Variants in ZEB2 observed in about 807,000 individuals in gnomAD.
The protein encoded by ZEB2 is zinc finger E-box-binding homeobox 2.
ZEB2 carries 6 observed loss-of-function variants against 99.9 expected under a neutral mutation model. The observed-to-expected ratio is 0.06, with a 90% CI of 0.03 to 0.12. The LOEUF (loss-of-function observed/expected upper bound fraction) is 0.12, where lower values mean the gene tolerates loss of function less well. ZEB2 is among the 10% of genes least tolerant of loss of function. The probability of loss-of-function intolerance (pLI) is 1.00; values close to 1 mark genes in which losing one functional copy is unlikely to be tolerated. For synonymous variants in ZEB2, 517 were observed against 542.5 expected (o/e 0.95, Z 0.65); for missense variants, 969 against 1,502.8 (o/e 0.64, Z 5.87).
intron 2 of ZEB2, among the ~76,000 whole-genome samples, chr2:144,491,511 A>T (rs1704681796): frequency 6.6e-6 from 1 of 152,184 alleles, no homozygotes; most frequent in South Asian, 2.1e-4. Flanking sequence ...GGTGCCGGGC[A>T]GACTTTTTGT....
rs566787907 is a variant in ZEB2 at position 144,404,364 on chromosome 2, T to C, written c.593-234A>G. Among the ~76,000 whole-genome samples, 24 of 131,914 alleles carry C rather than the reference T, an allele frequency of 1.8e-4. No homozygotes were observed. The East Asian group carries it at 5.6e-3, about 31-fold the overall frequency. The allele number at this position is 131,914 out of a possible 152,430, so 86.5% of individuals were successfully genotyped here. A position where few individuals can be genotyped will look rare whatever the true frequency, so the allele number is the denominator to read the frequency against. ...ATTAATTAATTACTTCAGGTTTTTT[T>C]TTTTTGGGGGGGTGGGGGGGACTTA... On this transcript the variant is annotated intron_variant, in intron 5 of 9. Coordinates refer to ENST00000627532, the MANE Select transcript of ZEB2 (RefSeq NM_014795.4).
intron 2 of ZEB2, among the ~76,000 whole-genome samples, chr2:144,475,491 C>T (rs569076903): frequency 1.9e-4 from 29 of 152,048 alleles, no homozygotes; most frequent in African/African-American, 6.8e-4. Flanking sequence ...TACATATGTG[C>T]GTGTATATAT....
chr2:144,416,204 C>T (rs1429972552), intron 4 of ZEB2, among the ~76,000 whole-genome samples: 1 of 152,126 alleles, frequency 6.6e-6, no homozygotes, highest in Admixed American at 6.5e-5. Context: ...TTTCCTAGTC[C>T]CTTTTACCCA....
chr2:144,448,526 T>C (rs892866040), intron 2 of ZEB2, among the ~76,000 whole-genome samples: 2 of 152,228 alleles, frequency 1.3e-5, no homozygotes, highest in Admixed American at 1.3e-4. Context: ...AAACTGTGCA[T>C]GCAAGGTACA....
At chr2:144,411,152 T>C (rs1275792788) in intron 4 of ZEB2, among the ~76,000 whole-genome samples, 1 of 118,190 alleles carries the variant, frequency 8.5e-6, no homozygotes, top group East Asian at 2.4e-4. Flanking sequence ...ACACACACGC[T>C]TCCCCAGTGT....
chr2:144,504,537 G>C (rs1293516720), intron 2 of ZEB2: 2 of 151,922 alleles, frequency 1.3e-5, no homozygotes, highest in Non-Finnish European at 2.9e-5. Context: ...CTTGAAGCTT[G>C]ACTGGGCTGA....
In ZEB2 at chr2:144,404,950, C is replaced by G. The variant is rs1449478104; in HGVS notation, c.478G>C (p.Ala160Pro). The change falls in exon 5 of 10, where the codon GCA becomes CCA. Residue 160 changes from alanine to proline, a missense_variant. Physicochemically the swap from Ala to Pro is conservative, Grantham distance 27 (BLOSUM62 -1). This residue lies in a region of ZEB2 where 173 missense variants were observed against 217.7 expected (regional missense o/e 0.79). Transcript: ENST00000627532. ...TGAAGGTACTCCTCGATGCTGACTG[C>G]ATGACCATCGCGTTCCTCCAGTTTT... Reference protein sequence around the residue: ...KRKLEERDGHAVSIEEYLQRS... With the variant: ...KRKLEERDGHPVSIEEYLQRS... The G allele has an allele frequency of 6.2e-7, 1 of 1,614,152 alleles. No homozygotes were observed. The highest frequency in any genetic ancestry group is 2.2e-5 in the East Asian group (1 of 44,902).
intron 2 of ZEB2, among the ~76,000 whole-genome samples, chr2:144,501,940 A>C (rs772403816): frequency 6.6e-6 from 1 of 152,208 alleles, no homozygotes; most frequent in Non-Finnish European, 1.5e-5. Flanking sequence ...CTAGCAATAA[A>C]GGCTTATTCT....
chr2:144,444,553 A>C (rs1237928612), intron 2 of ZEB2, among the ~76,000 whole-genome samples: 1 of 152,246 alleles, frequency 6.6e-6, no homozygotes, highest in African/African-American at 2.4e-5. Context: ...AAAGATCAGA[A>C]GGAAAGCTGT....
chr2:144,399,360 C>T lies in ZEB2; in HGVS notation c.1827G>A (p.Glu609=). 2 of 1,614,148 alleles carry T rather than the reference C, an allele frequency of 1.2e-6. No individual in the cohort carries two copies. Among genetic ancestry groups the T allele is most frequent in the Non-Finnish European group, 1.7e-6 (2 of 1,180,018 alleles). Residue 609 remains glutamate, a synonymous_variant, in exon 8 of 10, where the codon GAG becomes GAA. Coordinates refer to ENST00000627532, the MANE Select transcript of ZEB2 (RefSeq NM_014795.4). The surrounding 1 kb of genome is among the most constrained non-coding windows in gnomAD (Gnocchi z 5.6). Reference sequence around the variant, plus strand: ...CATGAGGCTGCAGGACCGCCTTGATCTCTTCATTCATCTTACAAAGGTAAC... The same window carrying T: ...CATGAGGCTGCAGGACCGCCTTGATTTCTTCATTCATCTTACAAAGGTAAC... ...HERYLCKMNE[E]IKAVLQPHEN... is the part of the protein sequence containing the mutation.
At chr2:144,420,937 A>G (rs981536757) in intron 4 of ZEB2, among the ~76,000 whole-genome samples, 1 of 152,166 alleles carries the variant, frequency 6.6e-6, no homozygotes, top group African/African-American at 2.4e-5. Flanking sequence ...TCAGGATTCT[A>G]AGAAGGGAAT....
At chr2:144,510,745 C>A (rs1705022872) in intron 2 of ZEB2, among the ~76,000 whole-genome samples, 1 of 149,736 alleles carries the variant, frequency 6.7e-6, no homozygotes, top group African/African-American at 2.5e-5. Flanking sequence ...TTCATCTTGG[C>A]TTTCTGTGGC....
chr2:144,518,187 AT>A (rs1353718600), intron 1 of ZEB2: 20 of 146,662 alleles, frequency 1.4e-4, no homozygotes, highest in Middle Eastern at 3.5e-3. Flanking sequence ...TTCCAGTAGA[AT>A]TTTTTTTTTC....
rs772158481 is a variant in ZEB2, at chr2:144,398,697, A to G, written c.2490T>C (p.Ile830=). 3 of 1,614,020 alleles carry G rather than the reference A, an allele frequency of 1.9e-6. No homozygotes were observed. The highest frequency in any genetic ancestry group is 2.5e-6 in the Non-Finnish European group (3 of 1,179,988). The change falls in exon 8 of 10, where the codon ATT becomes ATC. Residue 830 remains isoleucine, a synonymous_variant. Transcript: ENST00000627532. Reference sequence around the variant, plus strand: ...CTTTTGTTTTGTTCTTTGTGGCTATAATACTTTTGGGTTCTTTCATTTGTT... The same window carrying G: ...CTTTTGTTTTGTTCTTTGTGGCTATGATACTTTTGGGTTCTTTCATTTGTT... ...LPKQMKEPKS[I]IATKNKTKAS...
In ZEB2 at chr2:144,388,435, T is replaced by A. The variant is rs900295151; in HGVS notation, c.*1016A>T. 1 of 154,552 alleles carries A rather than the reference T, an allele frequency of 6.5e-6. No individual in the cohort carries two copies. Among genetic ancestry groups the A allele is most frequent in the Non-Finnish European group, 1.4e-5 (1 of 69,472 alleles). The allele number at this position is 154,552 out of a possible 1,614,324, so 9.6% of individuals were successfully genotyped here. A position where few individuals can be genotyped will look rare whatever the true frequency, so the allele number is the denominator to read the frequency against. On this transcript the variant is annotated 3_prime_UTR_variant, in exon 10 of 10. Transcript: ENST00000627532. This position sits in a 1 kb window ranked among gnomAD's most constrained non-coding sequence, Gnocchi z 5.4. The stretch of plus-strand genomic sequence containing the variant: ...AACTATAATACTGTACACTACAGTA[T>A]GAAATAAATAAAATTAGGAAATATA...
At chr2:144,485,584 G>C (rs957934072) in intron 2 of ZEB2, among the ~76,000 whole-genome samples, 5 of 152,066 alleles carry the variant, frequency 3.3e-5, no homozygotes, top group African/African-American at 9.7e-5. Context: ...CATAACATCA[G>C]CCATCTAATG....
chr2:144,433,316 T>C (rs1335871016), intron 2 of ZEB2, among the ~76,000 whole-genome samples: 1 of 152,218 alleles, frequency 6.6e-6, no homozygotes, highest in Admixed American at 6.5e-5. Flanking sequence ...ATTACAATTC[T>C]GTGTAACAGT....
intron 2 of ZEB2, among the ~76,000 whole-genome samples, chr2:144,508,737 C>T (rs893197270): frequency 1.3e-5 from 2 of 151,888 alleles, no homozygotes; most frequent in African/African-American, 2.4e-5. Context: ...TGAAAAGATG[C>T]GAAGGCTGAG....
Position 144,389,427 on chromosome 2 carries a change from G to A in ZEB2, c.*24C>T. ...AACAATACTACTGGAAAAAAAAATAGGAAGCTTAAAATGCAGTAGTTTATT... is the reference window on the plus strand; with the variant it reads ...AACAATACTACTGGAAAAAAAAATAAGAAGCTTAAAATGCAGTAGTTTATT... On this transcript the variant is annotated 3_prime_UTR_variant, in exon 10 of 10. Coordinates refer to ENST00000627532, the MANE Select transcript of ZEB2 (RefSeq NM_014795.4). The surrounding 1 kb of genome is among the most constrained non-coding windows in gnomAD (Gnocchi z 6.8). The A allele has an allele frequency of 6.2e-7, 1 of 1,613,232 alleles. No individual in the cohort carries two copies. The highest frequency in any genetic ancestry group is 8.5e-7 in the Non-Finnish European group (1 of 1,179,348).
Sources: gnomAD v4.1 joint callset for allele counts (sites outside exome capture counted in the v4.1 genomes callset) on GRCh38, gnomAD v4.1.1 for gene constraint, gnomAD v4.1.1 regional missense constraint, Gnocchi (gnomAD v3.1) non-coding constraint, MANE v1.5 for transcripts, NCBI Gene and HGNC (gene_info 2026-07-23, HGNC 2026-07-21) for gene names.